The following DCAF6 variants were observed in gnomAD, a reference collection of about 807,000 sequenced individuals.
DCAF6 encodes the protein DDB1 and CUL4 associated factor 6, also known as DDB1- and CUL4-associated factor 6.
DCAF6 carries 54 observed loss-of-function variants against 125.1 expected under a neutral mutation model. That is an observed-to-expected ratio of 0.43 (90% confidence interval 0.35 to 0.54). The LOEUF (loss-of-function observed/expected upper bound fraction) is 0.54, where lower values mean the gene tolerates loss of function less well. Ranked by LOEUF, DCAF6 falls within the 20% of genes least tolerant of loss-of-function variation. The pLI is 0.01. For synonymous variants in DCAF6, 371 were observed against 390.4 expected, an observed-to-expected ratio of 0.95 and a Z score of 0.58; for missense variants, 934 against 1,161.7, an observed-to-expected ratio of 0.80 and a Z score of 2.85.
chr1:168,066,822 G>T (rs560124901), intron 20 of DCAF6, among the ~76,000 whole-genome samples: 9 of 152,176 alleles, frequency 5.9e-5, no homozygotes, highest in African/African-American at 2.2e-4. Flanking sequence ...CAAAAGCCTA[G>T]CAATTTTTCC....
At chr1:167,985,215 TGTGTGTGTGTG>T (rs935892002) in intron 4 of DCAF6, among the ~76,000 whole-genome samples, 2 of 148,712 alleles carry the variant, frequency 1.3e-5, no homozygotes, top group African/African-American at 5.0e-5. Context: ...GTGTGTGGTG[TGTGTGTGTGTG>T]GTGTGTGTGT....
At chr1:167,871,736 G>A in the DCAF6 span, among the ~76,000 whole-genome samples, 2 of 152,224 alleles carry the variant, frequency 1.3e-5, no homozygotes, top group African/African-American at 4.8e-5. Context: ...ATAAAAAGAA[G>A]CTAAGTGCTT....
chr1:167,936,006 G>GCTGCGGC (rs1247139130), upstream of DCAF6: 1 of 620,920 alleles, frequency 1.6e-6, no homozygotes, highest in Non-Finnish European at 2.8e-6. Flanking sequence ...GAACCGAAAA[G>GCTGCGGC]CTGCGGCCCG....
rs1177350912 is a variant in DCAF6 at position 168,050,973 on chromosome 1, G to A, written c.2300+40G>A. The A allele has an allele frequency of 2.7e-6, 3 of 1,112,944 alleles. No individual in the cohort carries two copies. In the South Asian group the frequency reaches 7.1e-5, roughly 26 times the overall value. The allele number at this position is 1,112,944 out of a possible 1,614,324, so 68.9% of individuals were successfully genotyped here. ...TCCTTCATAATTTTTTTTTTATGAT[G>A]GATTTGCCAGGTCTTCTTTTGCCAC... On this transcript the variant is annotated intron_variant, in intron 17 of 21. Coordinates refer to ENST00000367840, the MANE Select transcript of DCAF6 (RefSeq NM_001198956.2).
the DCAF6 span, among the ~76,000 whole-genome samples, chr1:167,914,841 C>G: frequency 1.3e-5 from 2 of 152,182 alleles, no homozygotes; most frequent in East Asian, 1.9e-4. Flanking sequence ...TCCTATAAAG[C>G]CCCGCTCTGT....
At chr1:168,050,496 A>G (rs1293623777) in intron 16 of DCAF6, among the ~76,000 whole-genome samples, 1 of 152,198 alleles carries the variant, frequency 6.6e-6, no homozygotes, top group East Asian at 1.9e-4. Context: ...GGTTAGGCCA[A>G]GTGAATTAGC....
At chr1:168,034,800 T>A (rs1015679699) in intron 12 of DCAF6, among the ~76,000 whole-genome samples, 9 of 152,224 alleles carry the variant, frequency 5.9e-5, no homozygotes, top group African/African-American at 2.2e-4. Context: ...AACATATCTG[T>A]GCATTATGTA....
At chr1:167,972,569 A>C (rs1280674278) in intron 3 of DCAF6, among the ~76,000 whole-genome samples, 5 of 152,218 alleles carry the variant, frequency 3.3e-5, no homozygotes, top group Non-Finnish European at 5.9e-5. Flanking sequence ...GAGGCCATTG[A>C]AATAATCCAG....
intron 2 of DCAF6, among the ~76,000 whole-genome samples, chr1:167,954,807 G>A (rs1376262474): frequency 6.6e-6 from 1 of 152,166 alleles, no homozygotes; most frequent in Non-Finnish European, 1.5e-5. Context: ...CATATTTAAA[G>A]TGTACTATTT....
At chr1:167,977,862 A>G (rs1191828477) in intron 4 of DCAF6, among the ~76,000 whole-genome samples, 1 of 152,208 alleles carries the variant, frequency 6.6e-6, no homozygotes, top group Non-Finnish European at 1.5e-5. Context: ...AAATCTATTC[A>G]TGTAACTACC....
Position 167,984,982 on chromosome 1 carries a change from A to C in DCAF6, c.439-2513A>C, listed in dbSNP as rs140157351. 8.8e-3 allele frequency among the ~76,000 whole-genome samples: 1,337 copies of C among 152,328 alleles called. 14 individuals carry two copies. The highest frequency in any genetic ancestry group is 0.058 in the East Asian group (300 of 5,186). ...AGGTGAAAGGTGAAAGGCATGTCTC[A>C]CATGACAGCAGACAAGAGAAGAGAG... On this transcript the variant is annotated intron_variant, in intron 4 of 21. Coordinates refer to ENST00000367840, the MANE Select transcript of DCAF6 (RefSeq NM_001198956.2).
At chr1:167,927,829 G>A in the DCAF6 span, among the ~76,000 whole-genome samples, 18 of 152,172 alleles carry the variant, frequency 1.2e-4, no homozygotes, top group African/African-American at 4.3e-4. Context: ...ATGGTTGCTA[G>A]AACCTGGACC....
At chr1:167,901,824 C>T in the DCAF6 span, 11 of 1,614,050 alleles carry the variant, frequency 6.8e-6, no homozygotes, top group South Asian at 2.2e-5. Flanking sequence ...AGAGACATGC[C>T]GCGGGCTTTT....
At chr1:167,947,475 A>G (rs1412252235) in intron 1 of DCAF6, among the ~76,000 whole-genome samples, 1 of 150,842 alleles carries the variant, frequency 6.6e-6, no homozygotes, top group African/African-American at 2.4e-5. Context: ...TTAACTTGTA[A>G]TCTTTCTCCT....
the DCAF6 span, among the ~76,000 whole-genome samples, chr1:167,926,724 G>T: frequency 6.6e-6 from 1 of 152,138 alleles, no homozygotes; most frequent in African/African-American, 2.4e-5. Context: ...AAAGTAGAGG[G>T]TTAAGAAATC....
intron 12 of DCAF6, among the ~76,000 whole-genome samples, chr1:168,032,168 A>C (rs1254469678): frequency 2.0e-5 from 3 of 152,244 alleles, no homozygotes; most frequent in Non-Finnish European, 4.4e-5. Flanking sequence ...ACTTCCTAAT[A>C]AATATCTGTA....
intron 14 of DCAF6, among the ~76,000 whole-genome samples, chr1:168,043,712 A>G (rs749890037): frequency 6.6e-6 from 1 of 152,172 alleles, no homozygotes; most frequent in African/African-American, 2.4e-5. Context: ...ATAAATGTGT[A>G]GGTACCTTAG....
intron 17 of DCAF6, among the ~76,000 whole-genome samples, chr1:168,051,711 T>C (rs115222049): frequency 0.012 from 1,782 of 152,260 alleles, 41 homozygotes; most frequent in African/African-American, 0.04. Context: ...ATAATAGATG[T>C]ATGGAAATTT....
intron 4 of DCAF6, among the ~76,000 whole-genome samples, chr1:167,975,387 G>C (rs1312087277): frequency 6.6e-6 from 1 of 152,156 alleles, no homozygotes; most frequent in East Asian, 1.9e-4. Flanking sequence ...TAGCCAACAT[G>C]CTTATCAAAT....
Sources: allele counts gnomAD v4.1 joint callset (sites outside exome capture counted in the v4.1 genomes callset), GRCh38; gene constraint gnomAD v4.1.1; transcripts MANE v1.5; gene names NCBI Gene and HGNC (gene_info 2026-07-23, HGNC 2026-07-21).